PPP3CC: variants seen among roughly 807,000 people sequenced by gnomAD.
PPP3CC encodes protein phosphatase 3 catalytic subunit gamma.
Under a neutral mutation model 60.3 loss-of-function variants are expected in PPP3CC, and 35 were observed. The observed-to-expected ratio is 0.58, with a 90% confidence interval of 0.44 to 0.77. The LOEUF is 0.77. PPP3CC is among the 30% of genes least tolerant of loss of function. The pLI, the probability that PPP3CC is intolerant of heterozygous loss-of-function variation, is 0.00. For missense variants in PPP3CC, 570 were observed against 628.9 expected (o/e 0.91, Z 1.00); for synonymous variants, 206 against 224.3 (o/e 0.92, Z 0.73).
At chr8:22,449,015 C>T (rs370065142) in intron 1 of PPP3CC, among the ~76,000 whole-genome samples, 2 of 151,792 alleles carry the variant, frequency 1.3e-5, no homozygotes, top group African/African-American at 4.8e-5. Context: ...GAGGCTGAAG[C>T]GGGAGGATTG....
chr8:22,441,259 C>T lies in PPP3CC; in HGVS notation c.-151C>T, dbSNP rs1004807459. The T allele has an allele frequency of 6.0e-6, 4 of 667,466 alleles. No homozygotes were observed. The highest frequency in any genetic ancestry group is 4.1e-5 in the Admixed American group (1 of 24,654). 41.3% of individuals were successfully genotyped at this position (667,466 alleles called of 1,614,324 possible). On this transcript the variant is annotated 5_prime_UTR_variant, in exon 1 of 14. Transcript: ENST00000240139. ...AGGCCGGCGCTGCGGTGGCCGCGCC[C>T]TTCTGGTGCTCGGACACCGCTGAGG...
intron 1 of PPP3CC, among the ~76,000 whole-genome samples, chr8:22,450,842 T>G (rs1475983989): frequency 7.0e-6 from 1 of 142,432 alleles, no homozygotes. Flanking sequence ...TTTATTTATT[T>G]ATTTATTTAT....
intron 4 of PPP3CC, among the ~76,000 whole-genome samples, chr8:22,505,023 T>A (rs1267614801): frequency 7.8e-6 from 1 of 127,654 alleles, no homozygotes; most frequent in Non-Finnish European, 1.6e-5. Flanking sequence ...TCCACGAACC[T>A]ATTTTTTTTT....
Position 22,540,689 on chromosome 8 carries a change from C to G in PPP3CC, c.1426C>G (p.Arg476Gly). Reference protein sequence around the residue: ...EARGLDRINERMPPRKDSIHA... With the variant: ...EARGLDRINEGMPPRKDSIHA... ...GCGAGGTCTGGACCGAATTAATGAGCGAATGCCACCCCGAAAGGATAGCAT... is the reference window on the plus strand; with the variant it reads ...GCGAGGTCTGGACCGAATTAATGAGGGAATGCCACCCCGAAAGGATAGCAT... The change falls in exon 14 of 14, where the codon CGA (arginine) becomes GGA (glycine). Residue 476 changes from arginine to glycine, a missense_variant. By Grantham distance (125) the Arg-to-Gly change is moderately radical (BLOSUM62 -2). Transcript: ENST00000240139. The G allele has an allele frequency of 6.2e-7, 1 of 1,614,054 alleles. No individual in the cohort carries two copies. The highest frequency in any genetic ancestry group is 8.5e-7 in the Non-Finnish European group (1 of 1,179,970).
intron 4 of PPP3CC, among the ~76,000 whole-genome samples, chr8:22,499,472 G>A (rs1383623546): frequency 6.6e-6 from 1 of 151,716 alleles, no homozygotes; most frequent in Non-Finnish European, 1.5e-5. Flanking sequence ...AAAAAAGAAA[G>A]TCAAAACATT....
At position 22,511,249 on chromosome 8, in the gene PPP3CC, A is replaced by C. The variant is rs765021427; in HGVS notation, c.630+18A>C. On this transcript the variant is annotated intron_variant, in intron 5 of 13. Transcript: ENST00000240139. ...TTAGGAAAGTAAGTAATCTTTTATT[A>C]TTCTCACAGGGAATATTTTTAAAAT... 3.7e-6 allele frequency: 6 copies of C among 1,601,230 alleles called. No homozygotes were observed. Among genetic ancestry groups the C allele is most frequent in the African/African-American group, 1.3e-5 (1 of 74,448 alleles).
intron 3 of PPP3CC, chr8:22,492,662 G>GC: frequency 1.4e-6 from 1 of 708,914 alleles, no homozygotes; most frequent in East Asian, 2.8e-5. Context: ...CAAACTGCAG[G>GC]CACAAGTGCG....
rs1838756781 is a variant in PPP3CC, at chr8:22,501,370, A to G, written c.484+3258A>G. On this transcript the variant is annotated intron_variant, in intron 4 of 13. Coordinates refer to ENST00000240139, the MANE Select transcript of PPP3CC (RefSeq NM_005605.5). ...ACATTTATTATCTCATAGTTATTGT[A>G]GGTCAGAAGTCCAGGCCACAGTGTG... Among the ~76,000 whole-genome samples, 3 of 152,226 alleles carry G rather than the reference A, an allele frequency of 2.0e-5. No homozygotes were observed. The South Asian group carries it at 6.2e-4, about 32-fold the overall frequency.
chr8:22,490,674 T>C (rs1195700683), intron 3 of PPP3CC, among the ~76,000 whole-genome samples: 1 of 145,390 alleles, frequency 6.9e-6, no homozygotes, highest in Non-Finnish European at 1.5e-5. Flanking sequence ...CATTGTTCAA[T>C]TCCCACCTAT....
chr8:22,522,230 CA>C (rs1839427516), intron 6 of PPP3CC, among the ~76,000 whole-genome samples: 3 of 151,580 alleles, frequency 2.0e-5, no homozygotes, highest in East Asian at 3.9e-4. Flanking sequence ...TGGATTAAGA[CA>C]AAAAAATTAA....
chr8:22,467,471 T>C (rs913184837), intron 1 of PPP3CC, among the ~76,000 whole-genome samples: 2 of 152,154 alleles, frequency 1.3e-5, no homozygotes, highest in African/African-American at 4.8e-5. Context: ...AGACAGAGCA[T>C]TGCTCTGTCG....
At chr8:22,445,143 C>T (rs1481275174) in intron 1 of PPP3CC, among the ~76,000 whole-genome samples, 1 of 152,166 alleles carries the variant, frequency 6.6e-6, no homozygotes, top group Non-Finnish European at 1.5e-5. Flanking sequence ...AGTACTGTAC[C>T]ATTTTTACCA....
At chr8:22,513,646 A>G (rs547309054) in intron 6 of PPP3CC, among the ~76,000 whole-genome samples, 14 of 152,304 alleles carry the variant, frequency 9.2e-5, no homozygotes, top group African/African-American at 2.9e-4. Context: ...ACATGATTGG[A>G]CATCCTGCAG....
intron 4 of PPP3CC, among the ~76,000 whole-genome samples, chr8:22,501,442 G>A (rs983770783): frequency 3.3e-5 from 5 of 152,120 alleles, no homozygotes; most frequent in African/African-American, 1.2e-4. Context: ...GTGTTGCCAG[G>A]GTTTCAGTTC....
intron 1 of PPP3CC, among the ~76,000 whole-genome samples, chr8:22,456,308 T>C (rs1235087218): frequency 6.6e-6 from 1 of 152,204 alleles, no homozygotes; most frequent in Non-Finnish European, 1.5e-5. Flanking sequence ...ATACATATTG[T>C]TTATGTAGTC....
chr8:22,496,837 A>G (rs1192323765), intron 3 of PPP3CC, among the ~76,000 whole-genome samples: 3 of 151,914 alleles, frequency 2.0e-5, no homozygotes, highest in Non-Finnish European at 2.9e-5. Flanking sequence ...TCTATCTAAG[A>G]ACAAGGGATG....
chr8:22,444,870 C>T (rs190237828), intron 1 of PPP3CC, among the ~76,000 whole-genome samples: 26 of 152,128 alleles, frequency 1.7e-4, no homozygotes, highest in African/African-American at 4.8e-4. Flanking sequence ...TTTCTAGTTT[C>T]CACGTTCCTT....
chr8:22,474,717 A>G (rs1319172873), intron 1 of PPP3CC, among the ~76,000 whole-genome samples: 2 of 152,132 alleles, frequency 1.3e-5, no homozygotes, highest in Non-Finnish European at 2.9e-5. Context: ...AAAAACAAAC[A>G]ACAAAAACCA....
At chr8:22,525,012 A>T (rs949541738) in intron 8 of PPP3CC, among the ~76,000 whole-genome samples, 2 of 152,148 alleles carry the variant, frequency 1.3e-5, no homozygotes, top group African/African-American at 4.8e-5. Flanking sequence ...TTAGCCAGGC[A>T]AGGTGGAGCA....
Sources: gnomAD v4.1 joint callset for allele counts (sites outside exome capture counted in the v4.1 genomes callset) on GRCh38, gnomAD v4.1.1 for gene constraint, MANE v1.5 for transcripts, NCBI Gene and HGNC (gene_info 2026-07-23, HGNC 2026-07-21) for gene names.